GRID1: variants seen among roughly 807,000 people sequenced by gnomAD.
GRID1 encodes the protein glutamate ionotropic receptor delta type subunit 1.
In GRID1, 28 loss-of-function variants were observed where a neutral mutation model predicts 98.0. The ratio of observed to expected loss-of-function variants is 0.29; its 90% CI spans 0.21 to 0.39. The LOEUF (loss-of-function observed/expected upper bound fraction) is 0.39, where lower values mean the gene tolerates loss of function less well. Among genes scored for constraint, GRID1 ranks in the 10% least tolerant of loss-of-function variants. The pLI, the probability that GRID1 is intolerant of heterozygous loss-of-function variation, is 1.00. For missense variants in GRID1, 1,111 were observed against 1,340.5 expected, an observed-to-expected ratio of 0.83 and a Z score of 2.67; for synonymous variants, 553 against 538.5, an observed-to-expected ratio of 1.03 and a Z score of -0.37.
intron 5 of GRID1, among the ~76,000 whole-genome samples, chr10:85,894,995 G>A (rs1841265229): frequency 1.0e-5 from 1 of 95,726 alleles, no homozygotes. Context: ...AACAAACTGG[G>A]ACTCTCAAAA....
intron 3 of GRID1, among the ~76,000 whole-genome samples, chr10:86,161,602 T>C (rs1845324606): frequency 6.6e-6 from 1 of 152,174 alleles, no homozygotes; most frequent in African/African-American, 2.4e-5. Flanking sequence ...CTGTAGGCCA[T>C]GAGTGCTTGA....
At chr10:86,071,384 T>C (rs934508643) in intron 4 of GRID1, among the ~76,000 whole-genome samples, 12 of 152,366 alleles carry the variant, frequency 7.9e-5, no homozygotes, top group East Asian at 5.8e-4. Flanking sequence ...TTTCATGTTA[T>C]AGAAGCTCGG....
At chr10:86,151,462 G>A (rs1323117886) in intron 3 of GRID1, among the ~76,000 whole-genome samples, 2 of 151,804 alleles carry the variant, frequency 1.3e-5, no homozygotes, top group South Asian at 2.1e-4. Context: ...AGTGGCCACC[G>A]CAGGCATATA....
chr10:85,682,309 G>A (rs1353992870), intron 12 of GRID1, among the ~76,000 whole-genome samples: 6 of 152,228 alleles, frequency 3.9e-5, no homozygotes, highest in East Asian at 3.9e-4. Flanking sequence ...TTGGGAAGAT[G>A]ATATGAGATT....
At chr10:86,097,186 G>A (rs533995274) in intron 4 of GRID1, among the ~76,000 whole-genome samples, 4 of 152,286 alleles carry the variant, frequency 2.6e-5, no homozygotes, top group African/African-American at 9.6e-5. Flanking sequence ...AATGTCTCTG[G>A]CTCAAAGACA....
At chr10:85,703,628 T>C (rs947719784) in intron 12 of GRID1, among the ~76,000 whole-genome samples, 4 of 152,062 alleles carry the variant, frequency 2.6e-5, no homozygotes, top group Admixed American at 6.6e-5. Flanking sequence ...TGGAGTTGCA[T>C]GTATTTTTAA....
At chr10:85,737,643 C>CAGAT (rs1164240786) in intron 8 of GRID1, among the ~76,000 whole-genome samples, 1 of 43,946 alleles carries the variant, frequency 2.3e-5, no homozygotes, top group Non-Finnish European at 4.4e-5. Flanking sequence ...ACAGTAAAGC[C>CAGAT]AGATATATAT....
At chr10:86,067,126 T>C (rs1370389151) in intron 4 of GRID1, among the ~76,000 whole-genome samples, 1 of 152,208 alleles carries the variant, frequency 6.6e-6, no homozygotes, top group Non-Finnish European at 1.5e-5. Context: ...GTTTTCAGAT[T>C]TCCTAGCGTG....
At chr10:86,248,963 C>A (rs1846777618) in intron 2 of GRID1, among the ~76,000 whole-genome samples, 1 of 152,182 alleles carries the variant, frequency 6.6e-6, no homozygotes, top group African/African-American at 2.4e-5. Context: ...GGAAACAGGG[C>A]CACCCCCACC....
intron 4 of GRID1, among the ~76,000 whole-genome samples, chr10:85,963,066 T>C (rs958270410): frequency 6.6e-6 from 1 of 152,196 alleles, no homozygotes; most frequent in Admixed American, 6.5e-5. Flanking sequence ...CATGTGTTGC[T>C]GATGCCTGAA....
chr10:86,356,220 C>G (rs1388372087), intron 2 of GRID1, among the ~76,000 whole-genome samples: 1 of 152,318 alleles, frequency 6.6e-6, no homozygotes, highest in African/African-American at 2.4e-5. Context: ...AGGGACAAGT[C>G]GCTGAGTACA....
intron 2 of GRID1, among the ~76,000 whole-genome samples, chr10:86,265,499 G>A (rs763256181): frequency 2.9e-4 from 44 of 152,338 alleles, no homozygotes; most frequent in African/African-American, 1.0e-3. Flanking sequence ...GTGGCCCAGC[G>A]TGGATTTGAA....
At chr10:85,919,507 CT>C (rs958576010) in intron 4 of GRID1, among the ~76,000 whole-genome samples, 2 of 152,320 alleles carry the variant, frequency 1.3e-5, no homozygotes, top group African/African-American at 2.4e-5. Context: ...CTGCCTCCCC[CT>C]GTCCCCCATC....
intron 3 of GRID1, among the ~76,000 whole-genome samples, chr10:86,177,820 C>T (rs11201922): frequency 0.19 from 28,500 of 151,764 alleles, 3,370 homozygotes; most frequent in African/African-American, 0.34. Flanking sequence ...AGCGTATGCA[C>T]GCGTGTGTGC....
chr10:86,319,362 G>A (rs1349865635), intron 2 of GRID1, among the ~76,000 whole-genome samples: 1 of 152,202 alleles, frequency 6.6e-6, no homozygotes, highest in African/African-American at 2.4e-5. Context: ...CACCCAACCT[G>A]GCCACAACCT....
At chr10:85,675,579 T>C (rs527728728) in intron 12 of GRID1, among the ~76,000 whole-genome samples, 1 of 152,234 alleles carries the variant, frequency 6.6e-6, no homozygotes, top group Non-Finnish European at 1.5e-5. Flanking sequence ...AGCAAGCTAC[T>C]TAAAATGTGT....
At chr10:85,630,967 G>A (rs1304229653) in intron 13 of GRID1, among the ~76,000 whole-genome samples, 3 of 152,136 alleles carry the variant, frequency 2.0e-5, no homozygotes, top group Non-Finnish European at 4.4e-5. Context: ...AATGGAAGAA[G>A]GGAAACCATA....
At chr10:86,307,227 C>G (rs1473496844) in intron 2 of GRID1, among the ~76,000 whole-genome samples, 1 of 152,084 alleles carries the variant, frequency 6.6e-6, no homozygotes, top group African/African-American at 2.4e-5. Context: ...ATCTGTATCT[C>G]AAAGAAATAT....
At chr10:86,010,368 A>T (rs1329564698) in intron 4 of GRID1, among the ~76,000 whole-genome samples, 6 of 152,180 alleles carry the variant, frequency 3.9e-5, no homozygotes. Context: ...AGGAAGGGAA[A>T]ACTGCTTCAC....
Sources: gnomAD v4.1 joint callset for allele counts (sites outside exome capture counted in the v4.1 genomes callset) on GRCh38, gnomAD v4.1.1 for gene constraint, MANE v1.5 for transcripts, NCBI Gene and HGNC (gene_info 2026-07-23, HGNC 2026-07-21) for gene names.